Variants in ADGRG6 observed in about 807,000 individuals in gnomAD.
The protein encoded by ADGRG6 is adhesion G protein-coupled receptor G6, also known as G-protein coupled receptor 126.
ADGRG6 carries 84 observed loss-of-function variants against 142.4 expected under a neutral mutation model. That is an observed-to-expected ratio of 0.59 (90% CI 0.49 to 0.71). ADGRG6 has a LOEUF of 0.71. ADGRG6 is among the 30% of genes least tolerant of loss of function. ADGRG6 has a pLI of 0.00. For synonymous variants in ADGRG6, 521 were observed against 520.5 expected (o/e 1.00, Z -0.01); for missense variants, 1,367 against 1,466.6 (o/e 0.93, Z 1.11).
chr6:142,341,763 C>G (rs1036504482), intron 2 of ADGRG6, among the ~76,000 whole-genome samples: 1 of 147,342 alleles, frequency 6.8e-6, no homozygotes, highest in East Asian at 2.0e-4. Context: ...CAAGTTGCAC[C>G]CCATTTTTAC....
chr6:142,432,187 T>A (rs1442276712), intron 22 of ADGRG6, among the ~76,000 whole-genome samples: 1 of 152,178 alleles, frequency 6.6e-6, no homozygotes, highest in Non-Finnish European at 1.5e-5. Flanking sequence ...GTGTTCAGAA[T>A]TTCTTTCCAT....
At position 142,390,293 on chromosome 6, in the gene ADGRG6, A is replaced by C. The variant is rs1322009005; in HGVS notation, c.1258A>C (p.Asn420His). The C allele has an allele frequency of 1.2e-6, 2 of 1,600,762 alleles. No homozygotes were observed. ...CTATAGAATATCCGTAGTGATTCAG[A>C]ACATCCTTCGTCACCCTGAGGTAAA... ...IIYRISVVIQNILRHPEVKVQ... is the reference protein window; with the variant it reads ...IIYRISVVIQHILRHPEVKVQ... The change falls in exon 7 of 25, where the codon AAC becomes CAC. Residue 420 changes from asparagine to histidine, a missense_variant. Physicochemically the swap from Asn to His is moderately conservative, Grantham distance 68. Coordinates refer to ENST00000367609, the MANE Select transcript of ADGRG6 (RefSeq NM_198569.3).
Position 142,386,761 on chromosome 6 carries a change from G to C in ADGRG6, c.1222+2918G>C, listed in dbSNP as rs561570507. On this transcript the variant is annotated intron_variant, in intron 6 of 24. Transcript: ENST00000367609. ...CTTATTCCATCCAGTTCAGGGTAGCGGGTGGCTGGAGCCATCTGGGCAGCT... is the reference window on the plus strand; with the variant it reads ...CTTATTCCATCCAGTTCAGGGTAGCCGGTGGCTGGAGCCATCTGGGCAGCT... Among the ~76,000 whole-genome samples, 24 of 152,180 alleles carry C rather than the reference G, an allele frequency of 1.6e-4. No homozygotes were observed. The South Asian group carries it at 4.8e-3, about 30-fold the overall frequency.
rs762082969 is a variant in ADGRG6, at chr6:142,443,322, T to C, written c.3575-15T>C. 3 of 1,598,344 alleles carry C rather than the reference T, an allele frequency of 1.9e-6. No individual in the cohort carries two copies. The highest frequency in any genetic ancestry group is 1.7e-4 in the Middle Eastern group (1 of 5,998). ...AGCTCATCTTGAACCTAATTTCTTG[T>C]ATCATTTCTTGCAGACAGTGCTTCC... is the stretch of plus-strand genomic sequence containing the variant. On this transcript the variant is annotated splice_polypyrimidine_tract_variant and intron_variant, in intron 24 of 24. Transcript: ENST00000367609.
At chr6:142,306,538 C>T (rs1463768541) in intron 1 of ADGRG6, among the ~76,000 whole-genome samples, 2 of 152,088 alleles carry the variant, frequency 1.3e-5, no homozygotes, top group Non-Finnish European at 2.9e-5. Flanking sequence ...AGTTTTTCAC[C>T]TGTAAGATGA....
intron 22 of ADGRG6, among the ~76,000 whole-genome samples, chr6:142,432,694 TTTA>T (rs1777270175): frequency 6.6e-6 from 1 of 152,184 alleles, no homozygotes; most frequent in African/African-American, 2.4e-5. Flanking sequence ...AAAAAATTGT[TTTA>T]TTAAGTCAGT....
At position 142,415,905 on chromosome 6, in the gene ADGRG6, G is replaced by A. The variant is rs1776330367; in HGVS notation, c.2779G>A (p.Asp927Asn). The A allele has an allele frequency of 6.2e-7, 1 of 1,613,372 alleles. No individual in the cohort carries two copies. Among genetic ancestry groups the A allele is most frequent in the Non-Finnish European group, 8.5e-7 (1 of 1,179,552 alleles). ...LDGWITSFNV[D>N]GLCIAVAVLL... ...TGGCTGGATCACCTCCTTCAATGTG[G>A]ATGGACTTTGCATTGCTGTTGCAGT... Residue 927 changes from aspartate to asparagine, a missense_variant, in exon 20 of 25, where the codon GAT becomes AAT. Physicochemically the swap from Asp to Asn is conservative, Grantham distance 23 (BLOSUM62 1). Coordinates refer to ENST00000367609, the MANE Select transcript of ADGRG6 (RefSeq NM_198569.3).
chr6:142,324,950 C>T (rs1202861617), intron 2 of ADGRG6, among the ~76,000 whole-genome samples: 81 of 152,090 alleles, frequency 5.3e-4, no homozygotes, highest in Admixed American at 5.3e-3. Flanking sequence ...AACGTATCCA[C>T]TCTTCAGTTT....
intron 2 of ADGRG6, among the ~76,000 whole-genome samples, chr6:142,359,256 T>C (rs1303718821): frequency 1.3e-5 from 2 of 151,130 alleles, no homozygotes; most frequent in African/African-American, 2.4e-5. Context: ...TTATTTTACC[T>C]TCCCCAAACT....
chr6:142,345,057 T>A (rs1253009359), intron 2 of ADGRG6, among the ~76,000 whole-genome samples: 1 of 152,030 alleles, frequency 6.6e-6, no homozygotes, highest in Non-Finnish European at 1.5e-5. Context: ...GGTCATTCAA[T>A]AATTGGACTG....
chr6:142,343,038 T>A (rs1562325234), intron 2 of ADGRG6, among the ~76,000 whole-genome samples: 1 of 151,746 alleles, frequency 6.6e-6, no homozygotes, highest in Non-Finnish European at 1.5e-5. Flanking sequence ...AAAAATTTTT[T>A]ATAAAAGTTT....
intron 2 of ADGRG6, among the ~76,000 whole-genome samples, chr6:142,314,971 A>AGTGT (rs58848776): frequency 0.087 from 12,649 of 144,970 alleles, 689 homozygotes; most frequent in African/African-American, 0.15. Flanking sequence ...CCAATCATGG[A>AGTGT]GTGTGTGTGT....
chr6:142,414,632 A>C (rs1232666762), intron 18 of ADGRG6, among the ~76,000 whole-genome samples: 3 of 152,064 alleles, frequency 2.0e-5, no homozygotes, highest in South Asian at 4.2e-4. Flanking sequence ...AATGGGCCTG[A>C]TGGTTTATTA....
intron 2 of ADGRG6, among the ~76,000 whole-genome samples, chr6:142,331,227 G>A (rs1779043658): frequency 6.6e-6 from 1 of 151,598 alleles, no homozygotes; most frequent in African/African-American, 2.4e-5. Flanking sequence ...CCATCTGTAT[G>A]CTTTTAGATC....
chr6:142,357,004 A>G (rs1019488321), intron 2 of ADGRG6, among the ~76,000 whole-genome samples: 1 of 152,214 alleles, frequency 6.6e-6, no homozygotes, highest in African/African-American at 2.4e-5. Flanking sequence ...CTTGTATTCA[A>G]ATTTTAAAGA....
intron 21 of ADGRG6, among the ~76,000 whole-genome samples, chr6:142,418,250 A>G (rs78571486): frequency 0.062 from 9,130 of 146,498 alleles, 424 homozygotes; most frequent in Non-Finnish European, 0.09. Flanking sequence ...GTGAGCCAAG[A>G]TTGCACCATG....
chr6:142,418,295 TAAAAAAAAAAAA>T (rs541243272), intron 21 of ADGRG6, among the ~76,000 whole-genome samples: 1 of 79,786 alleles, frequency 1.3e-5, no homozygotes, highest in Non-Finnish European at 2.5e-5. Flanking sequence ...AGACTCCATC[TAAAAAAAAAAAA>T]AAAAAAAAAA....
intron 2 of ADGRG6, among the ~76,000 whole-genome samples, chr6:142,363,616 C>G (rs754537640): frequency 1.2e-4 from 19 of 152,126 alleles, no homozygotes; most frequent in Non-Finnish European, 2.2e-4. Flanking sequence ...TCTTTGAGAA[C>G]ATATTGAGCC....
chr6:142,331,268 T>C (rs1779045568), intron 2 of ADGRG6, among the ~76,000 whole-genome samples: 1 of 152,142 alleles, frequency 6.6e-6, no homozygotes, highest in African/African-American at 2.4e-5. Flanking sequence ...TTTTTTTCAC[T>C]GCCCCTCCCC....
Sources: gnomAD v4.1 joint callset for allele counts (sites outside exome capture counted in the v4.1 genomes callset) on GRCh38, gnomAD v4.1.1 for gene constraint, MANE v1.5 for transcripts, NCBI Gene and HGNC (gene_info 2026-07-23, HGNC 2026-07-21) for gene names.